The following CEP112 variants were observed in gnomAD, a reference collection of about 807,000 sequenced individuals.
CEP112 encodes centrosomal protein 112.
CEP112 carries 127 observed loss-of-function variants against 153.0 expected under a neutral mutation model. The observed-to-expected ratio is 0.83, with a 90% CI of 0.72 to 0.96. The LOEUF is 0.96. Ranked by LOEUF, CEP112 falls within the 40% of genes least tolerant of loss-of-function variation. The pLI is 0.00. For synonymous variants in CEP112, 358 were observed against 374.4 expected (o/e 0.96, Z 0.51); for missense variants, 1,089 against 1,101.2 (o/e 0.99, Z 0.16).
intron 4 of CEP112, among the ~76,000 whole-genome samples, chr17:66,169,470 G>A (rs1432845134): frequency 1.3e-5 from 2 of 151,888 alleles, no homozygotes; most frequent in Non-Finnish European, 2.9e-5. Flanking sequence ...ATTTTTAGTA[G>A]AGACGGGGTT....
chr17:65,970,738 GTT>G (rs2062710029), intron 17 of CEP112, among the ~76,000 whole-genome samples: 1 of 61,202 alleles, frequency 1.6e-5, no homozygotes, highest in Admixed American at 2.6e-4. Context: ...ACATGCATGT[GTT>G]AATACATGCA....
At chr17:65,703,825 AC>A (rs1159965390) in intron 23 of CEP112, among the ~76,000 whole-genome samples, 7 of 144,392 alleles carry the variant, frequency 4.8e-5, no homozygotes, top group Non-Finnish European at 7.6e-5. Context: ...AAAAAAAAAA[AC>A]CCAGAAAAAC....
intron 24 of CEP112, among the ~76,000 whole-genome samples, chr17:65,662,716 G>A (rs1037474662): frequency 3.3e-5 from 5 of 152,008 alleles, no homozygotes; most frequent in Non-Finnish European, 5.9e-5. Flanking sequence ...AAAAATTCAC[G>A]ATTTACAATT....
intron 16 of CEP112, among the ~76,000 whole-genome samples, chr17:66,020,445 T>A (rs1042739733): frequency 6.6e-6 from 1 of 152,210 alleles, no homozygotes; most frequent in Admixed American, 6.5e-5. Context: ...GGGCAGAATC[T>A]ATGTCTAATT....
At chr17:66,001,276 T>C (rs2064036078) in intron 17 of CEP112, among the ~76,000 whole-genome samples, 1 of 152,242 alleles carries the variant, frequency 6.6e-6, no homozygotes, top group African/African-American at 2.4e-5. Flanking sequence ...AGTCTATTCA[T>C]GTCCTTTGCC....
At chr17:66,126,512 T>G (rs1394185445) in intron 6 of CEP112, among the ~76,000 whole-genome samples, 2 of 152,008 alleles carry the variant, frequency 1.3e-5, no homozygotes, top group African/African-American at 4.8e-5. Flanking sequence ...AGCTTGTGAC[T>G]TAGAGAGTCA....
chr17:65,646,579 A>C (rs1043075694), intron 24 of CEP112, among the ~76,000 whole-genome samples: 2 of 152,212 alleles, frequency 1.3e-5, no homozygotes, highest in Non-Finnish European at 2.9e-5. Context: ...ATATGGACTT[A>C]ATCCTTCTGA....
At chr17:66,043,543 T>C (rs888209523) in intron 12 of CEP112, among the ~76,000 whole-genome samples, 6 of 152,154 alleles carry the variant, frequency 3.9e-5, no homozygotes, top group African/African-American at 1.4e-4. Context: ...GTACAAAAGA[T>C]GTTAAGAACT....
chr17:65,810,222 T>C lies in CEP112; in HGVS notation c.2394+41582A>G, dbSNP rs191348495. On this transcript the variant is annotated intron_variant, in intron 21 of 26. Transcript: ENST00000535342. ...GATAAACAAAGACGTGGCACAGTGA[T>C]TGAAGTGAGATTTGGATTGCAACAG... is the stretch of plus-strand genomic sequence containing the variant. Among the ~76,000 whole-genome samples the C allele has an allele frequency of 7.7e-4, 117 of 152,314 alleles. 1 individual carries two copies. The highest frequency in any genetic ancestry group is 2.6e-3 in the African/African-American group (109 of 41,562).
intron 19 of CEP112, among the ~76,000 whole-genome samples, chr17:65,916,315 G>A (rs996790186): frequency 6.7e-6 from 1 of 149,254 alleles, no homozygotes; most frequent in Non-Finnish European, 1.5e-5. Context: ...AGTAGTGGTG[G>A]TGGGTAGTGG....
chr17:65,740,770 A>G (rs2051084393), intron 23 of CEP112, among the ~76,000 whole-genome samples: 1 of 152,192 alleles, frequency 6.6e-6, no homozygotes, highest in Non-Finnish European at 1.5e-5. Flanking sequence ...ATCAAGCCTC[A>G]TAGTGGCTGT....
chr17:65,744,184 C>A (rs1243037272), intron 22 of CEP112, among the ~76,000 whole-genome samples: 1 of 152,170 alleles, frequency 6.6e-6, no homozygotes, highest in Non-Finnish European at 1.5e-5. Flanking sequence ...AGACCAATCA[C>A]TGCACTAATT....
chr17:66,148,371 C>T (rs542870780), intron 4 of CEP112, among the ~76,000 whole-genome samples: 84 of 152,148 alleles, frequency 5.5e-4, no homozygotes, highest in African/African-American at 2.0e-3. Flanking sequence ...ATATCAGATG[C>T]ATTTTTCTAT....
rs529025836 is a variant in CEP112, at chr17:65,640,154, A to ATTTTT, written c.2799+805_2799+809dup. Among the ~76,000 whole-genome samples, 142 of 78,326 alleles carry ATTTTT rather than the reference A, an allele frequency of 1.8e-3. 3 individuals carry two copies. Among genetic ancestry groups the ATTTTT allele is most frequent in the African/African-American group, 1.8e-3 (25 of 14,218 alleles). 51.4% of individuals were successfully genotyped at this position (78,326 alleles called of 152,430 possible). A position where few individuals can be genotyped will look rare whatever the true frequency, so the allele number is the denominator to read the frequency against. On this transcript the variant is annotated intron_variant, in intron 25 of 26. Coordinates refer to ENST00000535342, the MANE Select transcript of CEP112 (RefSeq NM_001199165.4). ...CACCCGACCATATATATATATATAT[A>ATTTTT]TTTTTTTTTTTTTTTTTTTGAGACA... is the stretch of plus-strand genomic sequence containing the variant.
intron 20 of CEP112, among the ~76,000 whole-genome samples, chr17:65,892,885 C>T (rs921736075): frequency 2.0e-5 from 3 of 152,086 alleles, no homozygotes; most frequent in African/African-American, 7.2e-5. Flanking sequence ...TGAACACATG[C>T]ATTTTGTACA....
At chr17:65,800,583 G>C (rs930112995) in intron 21 of CEP112, among the ~76,000 whole-genome samples, 15 of 152,288 alleles carry the variant, frequency 9.8e-5, no homozygotes, top group African/African-American at 3.6e-4. Context: ...CTGTGCACAA[G>C]TTTTAATGCA....
intron 21 of CEP112, among the ~76,000 whole-genome samples, chr17:65,837,005 G>A (rs987140219): frequency 4.6e-5 from 7 of 152,198 alleles, no homozygotes; most frequent in Admixed American, 2.0e-4. Context: ...GGGTTTCGCC[G>A]TGTTGGCCGG....
At chr17:66,016,235 G>A (rs2064767387) in intron 16 of CEP112, among the ~76,000 whole-genome samples, 1 of 152,068 alleles carries the variant, frequency 6.6e-6, no homozygotes, top group Non-Finnish European at 1.5e-5. Context: ...TCTGTGTAAT[G>A]CTCTCATTCC....
chr17:65,777,521 G>C (rs2053750687), intron 21 of CEP112, among the ~76,000 whole-genome samples: 1 of 152,072 alleles, frequency 6.6e-6, no homozygotes, highest in African/African-American at 2.4e-5. Context: ...GAGGGTAGGA[G>C]CTGTGCTATA....
Sources: allele counts gnomAD v4.1 joint callset (sites outside exome capture counted in the v4.1 genomes callset), GRCh38; gene constraint gnomAD v4.1.1; transcripts MANE v1.5; gene names NCBI Gene and HGNC (gene_info 2026-07-23, HGNC 2026-07-21).